The following SMAD3 variants were observed in gnomAD, a reference collection of about 807,000 sequenced individuals.
The protein encoded by SMAD3 is MAD homolog 3.
Under a neutral mutation model 51.8 loss-of-function variants are expected in SMAD3, and 12 were observed. The observed-to-expected ratio is 0.23, with a 90% CI of 0.15 to 0.38. SMAD3 has a LOEUF of 0.38. Among genes scored for constraint, SMAD3 ranks in the 10% least tolerant of loss-of-function variants. The pLI is 1.00. For missense variants in SMAD3, 294 were observed against 565.6 expected (o/e 0.52, Z 4.87); for synonymous variants, 238 against 227.7 (o/e 1.05, Z -0.41).
chr15:67,150,828 A>G (rs1227602030), intron 1 of SMAD3, among the ~76,000 whole-genome samples: 39 of 49,786 alleles, frequency 7.8e-4, no homozygotes, highest in African/African-American at 1.0e-3. Flanking sequence ...TTATTAAGAG[A>G]GCAAAGCTAT....
intron 1 of SMAD3, among the ~76,000 whole-genome samples, chr15:67,157,258 C>T (rs1432077503): frequency 1.3e-5 from 2 of 152,196 alleles, no homozygotes; most frequent in Non-Finnish European, 2.9e-5. Flanking sequence ...ACTTCTATGG[C>T]CCAGTTAACT....
intron 5 of SMAD3, among the ~76,000 whole-genome samples, chr15:67,179,860 C>T (rs559379200): frequency 4.2e-4 from 64 of 152,164 alleles, no homozygotes; most frequent in African/African-American, 1.4e-3. Context: ...GAGGAACCCT[C>T]AGCCCCATGC....
chr15:67,151,910 C>G (rs1384042505), intron 1 of SMAD3, among the ~76,000 whole-genome samples: 2 of 151,936 alleles, frequency 1.3e-5, no homozygotes, highest in Non-Finnish European at 2.9e-5. Flanking sequence ...CAATATTCTC[C>G]TATTTGAAAC....
At chr15:67,162,946 GTGATGATGATGA>G (rs57597599) in intron 1 of SMAD3, among the ~76,000 whole-genome samples, 393 of 145,442 alleles carry the variant, frequency 2.7e-3, no homozygotes, top group African/African-American at 8.8e-3. Flanking sequence ...GTAGGTTTCT[GTGATGATGATGA>G]TGATGATGAT....
intron 1 of SMAD3, among the ~76,000 whole-genome samples, chr15:67,127,416 C>A (rs1459757768): frequency 6.6e-6 from 1 of 152,178 alleles, no homozygotes; most frequent in Non-Finnish European, 1.5e-5. Context: ...GGCACCTCCT[C>A]CAGGAAGCAT....
Position 67,138,618 on chromosome 15 carries a change from T to C in SMAD3, c.207-26277T>C, listed in dbSNP as rs573033720. The stretch of plus-strand genomic sequence containing the variant: ...TCTGTGGGTCTGGGCATTTGTTCCT[T>C]CTTTCTTTCTTCCTTTGATTTCTTG... On this transcript the variant is annotated intron_variant, in intron 1 of 8. Coordinates refer to ENST00000327367, the MANE Select transcript of SMAD3 (RefSeq NM_005902.4). The C allele has an allele frequency of 4.1e-3, 633 of 152,774 alleles. 2 individuals are homozygous for C. Among genetic ancestry groups the C allele is most frequent in the Non-Finnish European group, 4.9e-3 (333 of 68,310 alleles). 9.5% of individuals were successfully genotyped at this position (152,774 alleles called of 1,614,324 possible).
At chr15:67,161,858 C>T (rs1437776170) in intron 1 of SMAD3, among the ~76,000 whole-genome samples, 1 of 152,138 alleles carries the variant, frequency 6.6e-6, no homozygotes, top group Non-Finnish European at 1.5e-5. Context: ...ATGAGCTGCC[C>T]AGTGTCTCCC....
chr15:67,113,395 A>G (rs1043851661), intron 1 of SMAD3, among the ~76,000 whole-genome samples: 1 of 152,120 alleles, frequency 6.6e-6, no homozygotes, highest in African/African-American at 2.4e-5. Context: ...CGGCCTTAAA[A>G]TATATTTTTC....
intron 1 of SMAD3, among the ~76,000 whole-genome samples, chr15:67,162,479 G>A (rs1386225241): frequency 6.6e-6 from 1 of 152,156 alleles, no homozygotes; most frequent in Non-Finnish European, 1.5e-5. Flanking sequence ...TTGGTCACAC[G>A]TAGCCAGAGT....
chr15:67,109,681 G>T lies in SMAD3; in HGVS notation c.206+43321G>T, dbSNP rs142059915. 4.6e-3 allele frequency among the ~76,000 whole-genome samples: 694 copies of T among 152,308 alleles called. 6 individuals are homozygous for T. Among genetic ancestry groups the T allele is most frequent in the African/African-American group, 0.016 (665 of 41,560 alleles). On this transcript the variant is annotated intron_variant, in intron 1 of 8. Transcript: ENST00000327367. ...AGCGAGAGGGGGAAACACACTTAAT[G>T]GACAAGGGATGAGTAAAACCCAATG...
At chr15:67,171,602 T>G (rs555871097) in intron 5 of SMAD3, among the ~76,000 whole-genome samples, 1 of 152,210 alleles carries the variant, frequency 6.6e-6, no homozygotes, top group East Asian at 1.9e-4. Context: ...TCAAAGTGGA[T>G]TGGACTGGTT....
intron 7 of SMAD3, chr15:67,187,161 T>C (rs749071548): frequency 2.9e-6 from 2 of 695,484 alleles, no homozygotes; most frequent in Non-Finnish European, 5.2e-6. Context: ...AGTGAGGAGA[T>C]GGGTTCAAGG....
intron 1 of SMAD3, among the ~76,000 whole-genome samples, chr15:67,076,410 TAAGTGCATGG>T (rs1960171448): frequency 6.6e-6 from 1 of 152,332 alleles, no homozygotes; most frequent in Admixed American, 6.5e-5. Flanking sequence ...TAGCTGCCCG[TAAGTGCATGG>T]AAGTGCATGA....
At chr15:67,169,759 G>A (rs1389065740) in intron 4 of SMAD3, among the ~76,000 whole-genome samples, 1 of 151,834 alleles carries the variant, frequency 6.6e-6, no homozygotes, top group African/African-American at 2.4e-5. Context: ...CATTGCACCC[G>A]GCCTCCGCAG....
Position 67,180,954 on chromosome 15 carries a change from G to A in SMAD3, c.659-287G>A, listed in dbSNP as rs115553157. Reference sequence around the variant, plus strand: ...CCATCCAGTCAAGGCCAAGCAGGCGGGGCAGGGCCTTTATGAGCTAAATAA... The same window carrying A: ...CCATCCAGTCAAGGCCAAGCAGGCGAGGCAGGGCCTTTATGAGCTAAATAA... On this transcript the variant is annotated intron_variant, in intron 5 of 8. Transcript: ENST00000327367. Among the ~76,000 whole-genome samples, 996 of 149,784 alleles carry A rather than the reference G, an allele frequency of 6.6e-3. 9 individuals carry two copies. The highest frequency in any genetic ancestry group is 0.024 in the African/African-American group (965 of 40,692).
intron 1 of SMAD3, among the ~76,000 whole-genome samples, chr15:67,133,387 CTT>C: frequency 6.8e-6 from 1 of 147,584 alleles, no homozygotes; most frequent in East Asian, 2.0e-4. Context: ...ATTATATGCC[CTT>C]TTTTTTTTTC....
chr15:67,070,724 T>C (rs1455317637), intron 1 of SMAD3, among the ~76,000 whole-genome samples: 3 of 151,172 alleles, frequency 2.0e-5, no homozygotes, highest in African/African-American at 7.3e-5. Context: ...TTAAATATTG[T>C]AGAATTCACT....
intron 1 of SMAD3, among the ~76,000 whole-genome samples, chr15:67,130,194 A>G (rs1172147893): frequency 6.6e-6 from 1 of 152,186 alleles, no homozygotes; most frequent in Non-Finnish European, 1.5e-5. Context: ...TTTACAGATG[A>G]GGCAACAGAA....
chr15:67,111,340 A>G (rs1404596138), intron 1 of SMAD3, among the ~76,000 whole-genome samples: 2 of 152,212 alleles, frequency 1.3e-5, no homozygotes, highest in South Asian at 2.1e-4. Flanking sequence ...TTTTATGGCC[A>G]AATAGTATTC....
Sources: gnomAD v4.1 joint callset for allele counts (sites outside exome capture counted in the v4.1 genomes callset) on GRCh38, gnomAD v4.1.1 for gene constraint, MANE v1.5 for transcripts, NCBI Gene and HGNC (gene_info 2026-07-23, HGNC 2026-07-21) for gene names.